Variants in PDE1A observed in about 807,000 individuals in gnomAD.
PDE1A encodes the protein phosphodiesterase 1A, also known as dual specificity calcium/calmodulin-dependent 3',5'-cyclic nucleotide phosphodiesterase 1A.
PDE1A carries 35 observed loss-of-function variants against 61.7 expected under a neutral mutation model. That is an observed-to-expected ratio of 0.57 (90% CI 0.43 to 0.75). PDE1A has a LOEUF of 0.75. Among genes scored for constraint, PDE1A ranks in the 30% least tolerant of loss-of-function variants. PDE1A has a pLI of 0.00. For missense variants in PDE1A, 597 were observed against 630.6 expected, an observed-to-expected ratio of 0.95 and a Z score of 0.57; for synonymous variants, 232 against 213.2, an observed-to-expected ratio of 1.09 and a Z score of -0.77.
At chr2:182,710,165 G>A in the PDE1A span, among the ~76,000 whole-genome samples, 3 of 152,158 alleles carry the variant, frequency 2.0e-5, no homozygotes, top group East Asian at 1.9e-4. Flanking sequence ...AAAGTGCTGG[G>A]ATTACAGGCG....
chr2:182,303,487 G>A (rs1442634970), intron 1 of PDE1A, among the ~76,000 whole-genome samples: 2 of 152,186 alleles, frequency 1.3e-5, no homozygotes, highest in African/African-American at 4.8e-5. Context: ...AAACAGATAT[G>A]CTGTCATCCA....
chr2:182,615,422 TA>T, the PDE1A span, among the ~76,000 whole-genome samples: 3 of 152,130 alleles, frequency 2.0e-5, no homozygotes, highest in African/African-American at 7.2e-5. Flanking sequence ...ACAATACAAT[TA>T]AAATATTATT....
the PDE1A span, among the ~76,000 whole-genome samples, chr2:182,561,654 C>T: frequency 6.6e-6 from 1 of 152,060 alleles, no homozygotes; most frequent in Non-Finnish European, 1.5e-5. Context: ...GGCAGTATGG[C>T]CATTTTCACG....
chr2:182,181,973 G>C (rs1195960845), intron 13 of PDE1A, among the ~76,000 whole-genome samples: 1 of 152,092 alleles, frequency 6.6e-6, no homozygotes. Flanking sequence ...GTTTTATACT[G>C]TTCCATAATA....
the PDE1A span, among the ~76,000 whole-genome samples, chr2:182,538,314 C>T: frequency 1.5e-4 from 23 of 152,152 alleles, no homozygotes; most frequent in African/African-American, 5.3e-4. Flanking sequence ...GCCTCTCTTG[C>T]TTTTTGATAC....
intron 2 of PDE1A, among the ~76,000 whole-genome samples, chr2:182,498,719 C>T (rs1688879902): frequency 6.6e-6 from 1 of 151,864 alleles, no homozygotes; most frequent in Non-Finnish European, 1.5e-5. Context: ...TCGAGGCAGG[C>T]AGATCATGAG....
intron 1 of PDE1A, among the ~76,000 whole-genome samples, chr2:182,400,983 G>C (rs1701969250): frequency 6.6e-6 from 1 of 152,004 alleles, no homozygotes; most frequent in African/African-American, 2.4e-5. Context: ...TTTTTTGTAA[G>C]TCCCTAGTTC....
At chr2:182,205,015 T>A (rs1036159307) in intron 8 of PDE1A, among the ~76,000 whole-genome samples, 2 of 152,346 alleles carry the variant, frequency 1.3e-5, no homozygotes, top group Middle Eastern at 3.4e-3. Context: ...TTACGTTTTT[T>A]AATGTTTTTA....
chr2:182,208,625 G>A (rs998342004), intron 7 of PDE1A, among the ~76,000 whole-genome samples: 11 of 152,164 alleles, frequency 7.2e-5, no homozygotes, highest in African/African-American at 1.9e-4. Flanking sequence ...GGCACTGGAC[G>A]CCAGCCAGTG....
At chr2:182,195,030 T>C (rs1686024424) in intron 10 of PDE1A, among the ~76,000 whole-genome samples, 3 of 151,980 alleles carry the variant, frequency 2.0e-5, no homozygotes, top group South Asian at 4.1e-4. Context: ...TCAAAACCAA[T>C]AGAAGGAATT....
chr2:182,358,452 T>C (rs917455718), intron 1 of PDE1A, among the ~76,000 whole-genome samples: 6 of 152,178 alleles, frequency 3.9e-5, no homozygotes, highest in African/African-American at 1.4e-4. Context: ...TTGCCTCCTT[T>C]GTGCTGTTCT....
At chr2:182,657,517 T>C in the PDE1A span, among the ~76,000 whole-genome samples, 25 of 152,204 alleles carry the variant, frequency 1.6e-4, no homozygotes, top group Non-Finnish European at 3.7e-4. Flanking sequence ...ATATTGCTAC[T>C]CTACCTTCTC....
chr2:182,524,201 T>C (rs1690721461), upstream of PDE1A, among the ~76,000 whole-genome samples: 1 of 152,330 alleles, frequency 6.6e-6, no homozygotes, highest in African/African-American at 2.4e-5. Context: ...TGTTACCTGA[T>C]ATTTCTTTAA....
the PDE1A span, among the ~76,000 whole-genome samples, chr2:182,537,699 T>C: frequency 6.6e-6 from 1 of 151,668 alleles, no homozygotes; most frequent in Non-Finnish European, 1.5e-5. Flanking sequence ...TATATATCCA[T>C]GGAAAGAAAA....
intron 2 of PDE1A, among the ~76,000 whole-genome samples, chr2:182,503,861 G>C (rs1689242050): frequency 6.6e-6 from 1 of 152,196 alleles, no homozygotes; most frequent in East Asian, 1.9e-4. Context: ...TTATATCCCT[G>C]GTTCCTAGAG....
chr2:182,419,633 G>A (rs1004802442), intron 1 of PDE1A, among the ~76,000 whole-genome samples: 2 of 152,184 alleles, frequency 1.3e-5, no homozygotes, highest in Non-Finnish European at 2.9e-5. Flanking sequence ...CCCAACAATA[G>A]AGAGAAGACG....
At chr2:182,271,109 G>A (rs374358442) in intron 1 of PDE1A, among the ~76,000 whole-genome samples, 3 of 150,312 alleles carry the variant, frequency 2.0e-5, no homozygotes, top group African/African-American at 7.3e-5. Context: ...TGCACAGCAT[G>A]AGGACTACAC....
At chr2:182,186,522 A>T in exon 12 of PDE1A, 1 of 1,613,404 alleles carries the variant, frequency 6.2e-7, no homozygotes, top group African/African-American at 1.3e-5. Flanking sequence ...TATAAGAGGA[A>T]TAACAATTTT....
chr2:182,609,817 A>G, the PDE1A span, among the ~76,000 whole-genome samples: 2 of 143,164 alleles, frequency 1.4e-5, no homozygotes, highest in Non-Finnish European at 3.1e-5. Flanking sequence ...GATGGGGCAC[A>G]GTGGTTCATG....
Sources: gnomAD v4.1 joint callset for allele counts (sites outside exome capture counted in the v4.1 genomes callset) on GRCh38, gnomAD v4.1.1 for gene constraint, MANE v1.5 for transcripts, NCBI Gene and HGNC (gene_info 2026-07-23, HGNC 2026-07-21) for gene names.